Variants in SNAPC3 observed in about 807,000 individuals in gnomAD.
SNAPC3 encodes small nuclear RNA activating complex polypeptide 3.
Under a neutral mutation model 47.7 loss-of-function variants are expected in SNAPC3, and 56 were observed. That is an observed-to-expected ratio of 1.18 (90% CI 0.95 to 1.47). SNAPC3 has a LOEUF of 1.47. Ranked by LOEUF, SNAPC3 falls within the 40% of genes most tolerant of loss-of-function variation. SNAPC3 has a pLI of 0.00. For missense variants in SNAPC3, 665 were observed against 511.3 expected, an observed-to-expected ratio of 1.30 and a Z score of -2.90; for synonymous variants, 235 against 189.9, an observed-to-expected ratio of 1.24 and a Z score of -1.95.
chr9:15,424,226 G>C (rs1426403058), intron 2 of SNAPC3, among the ~76,000 whole-genome samples: 1 of 152,098 alleles, frequency 6.6e-6, no homozygotes, highest in African/African-American at 2.4e-5. Context: ...AAATACATAA[G>C]CATATAGCTT....
intron 3 of SNAPC3, among the ~76,000 whole-genome samples, chr9:15,438,540 G>C (rs1390025147): frequency 6.6e-6 from 1 of 151,446 alleles, no homozygotes; most frequent in African/African-American, 2.4e-5. Flanking sequence ...TCCTTATCTA[G>C]TTATTGAGAT....
rs1337588476 is a variant in SNAPC3, at chr9:15,422,912, T to A, written c.33T>A (p.Cys11Ter). 2 of 1,536,154 alleles carry A rather than the reference T, an allele frequency of 1.3e-6. No individual in the cohort carries two copies. Among genetic ancestry groups the A allele is most frequent in the South Asian group, 2.4e-5 (2 of 82,886 alleles). MAEGSRGGPT[C>*]SGVGGRQDPV... ...AAGGAAGCCGAGGTGGCCCTACGTG[T>A]AGCGGGGTGGGTGGCAGGCAGGACC... The change falls in exon 1 of 9, where the codon TGT becomes TGA. Residue 11 changes from cysteine (C) to a stop codon, truncating the protein, a stop_gained. Coordinates refer to ENST00000380821, the MANE Select transcript of SNAPC3 (RefSeq NM_001039697.2). LOFTEE classifies it high-confidence loss of function.
At chr9:15,436,204 GTT>G (rs2032786750) in intron 3 of SNAPC3, among the ~76,000 whole-genome samples, 1 of 152,144 alleles carries the variant, frequency 6.6e-6, no homozygotes, top group African/African-American at 2.4e-5. Flanking sequence ...ATGAAGTCTA[GTT>G]TATCTTTTTC....
chr9:15,464,988 T>TATAC, downstream of SNAPC3: 1 of 219,388 alleles, frequency 4.6e-6, no homozygotes, highest in Non-Finnish European at 9.2e-6. Context: ...TAGCACAATG[T>TATAC]AGACTGTGAG....
chr9:15,438,122 G>T (rs573646288), intron 3 of SNAPC3, among the ~76,000 whole-genome samples: 1 of 152,270 alleles, frequency 6.6e-6, no homozygotes, highest in Admixed American at 6.5e-5. Context: ...GCTTTTCTTT[G>T]TTGGGAGGTT....
At chr9:15,449,174 AC>A (rs1253171470) in intron 5 of SNAPC3, among the ~76,000 whole-genome samples, 2 of 152,272 alleles carry the variant, frequency 1.3e-5, no homozygotes, top group South Asian at 2.1e-4. Flanking sequence ...GTCAAAAAAA[AC>A]GTAAGATGTA....
At chr9:15,464,968 C>G, downstream of SNAPC3, 1 of 217,206 alleles carries the variant, frequency 4.6e-6, no homozygotes, top group Non-Finnish European at 9.3e-6. Context: ...TCCAAAGAAG[C>G]TGGATAATGT....
Position 15,423,957 on chromosome 9 carries a change from TC to T in SNAPC3, c.365del (p.Pro122ArgfsTer7). On this transcript the variant is annotated frameshift_variant, in exon 2 of 9. Coordinates refer to ENST00000380821, the MANE Select transcript of SNAPC3 (RefSeq NM_001039697.2). LOFTEE classifies it high-confidence loss of function. ...AGGACGGTGAGGATCCAGAAGTCAT[TC>T]CGGAGAATACTGACCTGGTGACTTT... is the stretch of plus-strand genomic sequence containing the variant. ...LEDGEDPEVI[P>X]ENTDLVTLGV... is the part of the protein sequence containing the mutation. 1.3e-6 allele frequency: 2 copies of T among 1,588,876 alleles called. No individual in the cohort carries two copies. The highest frequency in any genetic ancestry group is 1.7e-6 in the Non-Finnish European group (2 of 1,168,746).
At chr9:15,429,570 T>A (rs547844741) in intron 2 of SNAPC3, among the ~76,000 whole-genome samples, 2 of 152,158 alleles carry the variant, frequency 1.3e-5, no homozygotes, top group South Asian at 4.2e-4. Context: ...GATAGTAAAG[T>A]GTTAAATAAG....
rs774343489 is a variant in SNAPC3 at position 15,457,933 on chromosome 9, A to G, written c.981-27A>G. The stretch of plus-strand genomic sequence containing the variant: ...TTGTCACTTAATATTTGTCACCTTA[A>G]TATCTTTATTTTCCCACGAACAAAA... On this transcript the variant is annotated intron_variant, in intron 7 of 8. Coordinates refer to ENST00000380821, the MANE Select transcript of SNAPC3 (RefSeq NM_001039697.2). 6.0e-5 allele frequency: 81 copies of G among 1,360,314 alleles called. No homozygotes were observed. The Middle Eastern group carries it at 1.3e-3, about 21-fold the overall frequency. The allele number at this position is 1,360,314 out of a possible 1,614,324, so 84.3% of individuals were successfully genotyped here.
chr9:15,443,696 A>G (rs1158186234), intron 3 of SNAPC3, among the ~76,000 whole-genome samples: 1 of 152,176 alleles, frequency 6.6e-6, no homozygotes, highest in Non-Finnish European at 1.5e-5. Flanking sequence ...GGCACTCGGC[A>G]TCACCAGACC....
At chr9:15,428,449 C>T (rs892859646) in intron 2 of SNAPC3, among the ~76,000 whole-genome samples, 2 of 146,780 alleles carry the variant, frequency 1.4e-5, no homozygotes, top group Non-Finnish European at 3.0e-5. Context: ...GCGGAGCTTG[C>T]AGTGAGCCGA....
At chr9:15,453,493 G>C (rs940391157) in intron 7 of SNAPC3, 1 of 237,852 alleles carries the variant, frequency 4.2e-6, no homozygotes, top group Non-Finnish European at 8.0e-6. Context: ...GTATTAAATA[G>C]CTGTTATTCA....
chr9:15,433,096 A>C (rs934289977), intron 2 of SNAPC3, among the ~76,000 whole-genome samples: 3 of 152,222 alleles, frequency 2.0e-5, no homozygotes, highest in African/African-American at 4.8e-5. Context: ...TCCTATCATG[A>C]GGAACTAGCG....
chr9:15,445,835 G>C (rs2033886602), intron 4 of SNAPC3, among the ~76,000 whole-genome samples: 1 of 152,126 alleles, frequency 6.6e-6, no homozygotes, highest in African/African-American at 2.4e-5. Context: ...TGTAGTCCCA[G>C]TTACTAAGGA....
intron 3 of SNAPC3, among the ~76,000 whole-genome samples, chr9:15,441,296 T>G (rs2033333201): frequency 6.6e-6 from 1 of 151,570 alleles, no homozygotes; most frequent in Admixed American, 6.6e-5. Context: ...AGTTCTACTT[T>G]TAATTTTTTG....
At chr9:15,454,711 GCAGAT>G (rs776971416) in intron 7 of SNAPC3, among the ~76,000 whole-genome samples, 15 of 152,080 alleles carry the variant, frequency 9.9e-5, no homozygotes, top group Non-Finnish European at 1.6e-4. Context: ...GCCAAGGCGG[GCAGAT>G]CACGAGGTCA....
Position 15,433,005 on chromosome 9 carries a change from C to G in SNAPC3, c.393-547C>G, listed in dbSNP as rs1273970939. Among the ~76,000 whole-genome samples, 3 of 152,268 alleles carry G rather than the reference C, an allele frequency of 2.0e-5. No homozygotes were observed. The East Asian group carries it at 5.8e-4, about 29-fold the overall frequency. On this transcript the variant is annotated intron_variant, in intron 2 of 8. Transcript: ENST00000380821. ...AAGCTAAACATCACTAGTAAGATGT[C>G]ATATTAATATCATGAACATCTTGAT...
Position 15,459,897 on chromosome 9 carries a change from A to G in SNAPC3, c.*31A>G, listed in dbSNP as rs376899065. The G allele has an allele frequency of 9.3e-5, 148 of 1,590,402 alleles. No homozygotes were observed. The Middle Eastern group carries it at 1.5e-3, about 16-fold the overall frequency. On this transcript the variant is annotated 3_prime_UTR_variant, in exon 9 of 9. Transcript: ENST00000380821. Reference sequence around the variant, plus strand: ...GCTACACTCACAAAAATACCCCCTCATGAAATAACTGTTCTCTTGGATGGT... The same window carrying G: ...GCTACACTCACAAAAATACCCCCTCGTGAAATAACTGTTCTCTTGGATGGT...
Sources: allele counts gnomAD v4.1 joint callset (sites outside exome capture counted in the v4.1 genomes callset), GRCh38; gene constraint gnomAD v4.1.1; transcripts MANE v1.5; gene names NCBI Gene and HGNC (gene_info 2026-07-23, HGNC 2026-07-21).